FGF13: variants seen among roughly 807,000 people sequenced by gnomAD.
FGF13 encodes fibroblast growth factor 13, also known as fibroblast growth factor homologous factor 2.
In FGF13, 2 loss-of-function variants were observed where a neutral mutation model predicts 19.5. The observed-to-expected ratio is 0.10, with a 90% CI of 0.04 to 0.32. FGF13 has a LOEUF of 0.32. Among genes scored for constraint, FGF13 ranks in the 10% least tolerant of loss-of-function variants. FGF13 has a pLI of 1.00. For synonymous variants in FGF13, 72 were observed against 76.9 expected (o/e 0.94, Z 0.33); for missense variants, 113 against 192.7 (o/e 0.59, Z 2.45).
intron 3 of FGF13, among the ~76,000 whole-genome samples, chrX:138,642,584 C>T (rs1366013777): frequency 9.0e-6 from 1 of 111,626 alleles, no homozygotes; most frequent in Non-Finnish European, 1.9e-5. Context: ...AATAAATCCA[C>T]TTTTCAAGAT....
chrX:139,052,352 T>C (rs1213278176), intron 1 of FGF13, among the ~76,000 whole-genome samples: 3 of 112,286 alleles, frequency 2.7e-5, no homozygotes, highest in Non-Finnish European at 5.6e-5. Flanking sequence ...TTAGTCCACC[T>C]CTAAAGAACT....
chrX:139,177,184 T>C (rs2084193381), intron 1 of FGF13, among the ~76,000 whole-genome samples: 1 of 109,890 alleles, frequency 9.1e-6, no homozygotes, highest in Non-Finnish European at 1.9e-5. Context: ...TTGTCTTTTT[T>C]GATCTTTGTT....
At chrX:138,852,459 A>T (rs2091229182) in intron 3 of FGF13, among the ~76,000 whole-genome samples, 1 of 112,067 alleles carries the variant, frequency 8.9e-6, no homozygotes, top group Non-Finnish European at 1.9e-5. Flanking sequence ...TTGGGAAAGG[A>T]TTCCCTACTT....
At chrX:138,955,279 G>A (rs1160895309) in intron 1 of FGF13, among the ~76,000 whole-genome samples, 2 of 112,452 alleles carry the variant, frequency 1.8e-5, no homozygotes, top group South Asian at 7.3e-4. Flanking sequence ...AACAGTTATC[G>A]GCTAAACCAA....
chrX:139,128,617 C>G (rs888635663), intron 1 of FGF13, among the ~76,000 whole-genome samples: 4 of 112,754 alleles, frequency 3.5e-5, no homozygotes, highest in Middle Eastern at 9.1e-3. Flanking sequence ...CAACTGCTCA[C>G]TAGCTGTATG....
At chrX:138,714,088 C>A (rs910723672), upstream of FGF13, 2 of 111,510 alleles carry the variant, frequency 1.8e-5, no homozygotes, top group Middle Eastern at 4.3e-3. Context: ...AAAGATATTT[C>A]TGTCTTTTTA....
chrX:138,847,833 A>T (rs759651874), intron 3 of FGF13, among the ~76,000 whole-genome samples: 1 of 112,023 alleles, frequency 8.9e-6, no homozygotes, highest in East Asian at 2.8e-4. Context: ...AGATGATAAG[A>T]GGGCAATGCC....
intron 1 of FGF13, among the ~76,000 whole-genome samples, chrX:139,066,198 T>C: frequency 1.8e-5 from 2 of 111,736 alleles, no homozygotes; most frequent in Middle Eastern, 4.6e-3. Context: ...TTTGTAGCAC[T>C]AAATGCCCAC....
intron 1 of FGF13, among the ~76,000 whole-genome samples, chrX:139,136,571 G>T (rs1269302860): frequency 9.0e-6 from 1 of 111,703 alleles, no homozygotes; most frequent in Non-Finnish European, 1.9e-5. Context: ...ACAACAAAAG[G>T]ATACAAAGCA....
chrX:138,662,937 A>T (rs2089503572), intron 3 of FGF13, among the ~76,000 whole-genome samples: 1 of 110,741 alleles, frequency 9.0e-6, no homozygotes, highest in Non-Finnish European at 1.9e-5. Flanking sequence ...TTCCTTTTTT[A>T]TTGTCTGGTC....
intron 3 of FGF13, among the ~76,000 whole-genome samples, chrX:138,807,928 C>A (rs2090884876): frequency 9.0e-6 from 1 of 111,347 alleles, no homozygotes; most frequent in Non-Finnish European, 1.9e-5. Flanking sequence ...CAGGAGCACC[C>A]AGATTCATAA....
At chrX:138,867,468 G>T (rs1376140142) in intron 1 of FGF13, among the ~76,000 whole-genome samples, 1 of 110,499 alleles carries the variant, frequency 9.0e-6, no homozygotes, top group Non-Finnish European at 1.9e-5. Flanking sequence ...AGACTGGAAA[G>T]GAGGTTTAAT....
chrX:139,072,876 C>A (rs769730247), intron 1 of FGF13, among the ~76,000 whole-genome samples: 20 of 111,949 alleles, frequency 1.8e-4, no homozygotes, highest in African/African-American at 5.8e-4. Flanking sequence ...CCTCATTCTA[C>A]TTCCATGTCC....
intron 3 of FGF13, among the ~76,000 whole-genome samples, chrX:138,642,992 G>C (rs950090292): frequency 2.7e-5 from 3 of 112,261 alleles, no homozygotes; most frequent in Admixed American, 9.4e-5. Flanking sequence ...TCTTTACCAA[G>C]ACTTTCTATA....
chrX:139,167,741 C>T (rs933815745), intron 1 of FGF13, among the ~76,000 whole-genome samples: 1 of 112,013 alleles, frequency 8.9e-6, no homozygotes, highest in African/African-American at 3.2e-5. Context: ...AATATGGCAT[C>T]ATTCATCAGC....
At chrX:138,688,186 A>C (rs1018843958) in intron 3 of FGF13, among the ~76,000 whole-genome samples, 1 of 108,500 alleles carries the variant, frequency 9.2e-6, no homozygotes, top group Non-Finnish European at 1.9e-5. Context: ...GATGGTCTCG[A>C]TCTCCTGACC....
intron 1 of FGF13, among the ~76,000 whole-genome samples, chrX:139,013,611 T>C (rs2092140860): frequency 9.5e-6 from 1 of 105,235 alleles, no homozygotes; most frequent in Non-Finnish European, 1.9e-5. Context: ...AGACTATTAT[T>C]CTAAGTGAAG....
At chrX:138,862,120 C>A (rs768036281) in intron 2 of FGF13, among the ~76,000 whole-genome samples, 1 of 112,260 alleles carries the variant, frequency 8.9e-6, no homozygotes, top group South Asian at 3.8e-4. Context: ...CTCCAAAAAA[C>A]TTTTTCCCTT....
rs760149395 is a variant in FGF13 at position 138,681,291 on chromosome X, C to G, written c.402+21693G>C. On this transcript the variant is annotated intron_variant, in intron 3 of 4. Transcript: ENST00000315930. ...TAGCTTCTGTTATCAGCACTTGCTG[C>G]TTCACCTTGCACTTTTATGTTACAG... is the stretch of plus-strand genomic sequence containing the variant. Among the ~76,000 whole-genome samples the G allele has an allele frequency of 3.6e-5, 4 of 112,146 alleles. No individual in the cohort carries two copies. The South Asian group carries it at 1.1e-3, about 31-fold the overall frequency.
Sources: allele counts gnomAD v4.1 joint callset (sites outside exome capture counted in the v4.1 genomes callset), GRCh38; gene constraint gnomAD v4.1.1; transcripts MANE v1.5; gene names NCBI Gene and HGNC (gene_info 2026-07-23, HGNC 2026-07-21).